The following AKAP9 variants were observed in gnomAD, a reference collection of about 807,000 sequenced individuals.
The protein encoded by AKAP9 is A-kinase anchoring protein 9.
Under a neutral mutation model 488.5 loss-of-function variants are expected in AKAP9, and 311 were observed. That is an observed-to-expected ratio of 0.64 (90% CI 0.58 to 0.70). The LOEUF is 0.70. Ranked by LOEUF, AKAP9 falls within the 30% of genes least tolerant of loss-of-function variation. AKAP9 has a pLI of 0.00. For missense variants in AKAP9, 4,215 were observed against 4,374.5 expected (o/e 0.96, Z 1.03); for synonymous variants, 1,462 against 1,483.5 (o/e 0.99, Z 0.33).
rs568683023 is a variant in AKAP9, at chr7:91,997,427, G to A, written c.930+1627G>A. On this transcript the variant is annotated intron_variant, in intron 7 of 49. Coordinates refer to ENST00000356239, the MANE Select transcript of AKAP9 (RefSeq NM_005751.5). ...TATAAATTGGGACAACTTTTTAATT[G>A]TATTTTGTTTCCCCAACAATTGGCC... 3.3e-5 allele frequency among the ~76,000 whole-genome samples: 5 copies of A among 152,296 alleles called. No homozygotes were observed. In the South Asian group the frequency reaches 1.0e-3, roughly 32 times the overall value.
At chr7:92,084,584 G>T in intron 33 of AKAP9, 56 bp from the exon 34 acceptor site, 1 of 1,264,696 alleles carries the variant, frequency 7.9e-7, no homozygotes, top group South Asian at 1.3e-5. Flanking sequence ...ATAATTCATT[G>T]TATTCTATTT....
At chr7:91,992,802 T>C (rs1172672060) in intron 4 of AKAP9, 83 bp from the exon 5 acceptor site, 7 of 1,332,200 alleles carry the variant, frequency 5.3e-6, no homozygotes, top group Non-Finnish European at 7.4e-6. Context: ...AAAGTGGACC[T>C]TGCTATGGAT....
intron 1 of AKAP9, among the ~76,000 whole-genome samples, chr7:91,964,876 T>G (rs746619907): frequency 3.3e-5 from 5 of 152,128 alleles, no homozygotes; most frequent in Non-Finnish European, 5.9e-5. Context: ...GGATAGAAAG[T>G]CTCCTTTTAG....
Position 92,017,043 on chromosome 7 carries a change from C to A in AKAP9, c.3778C>A (p.Leu1260Ile). ...CTTTCAAGAAAATATGCACACTCTT[C>A]TCAACAAAGTAACAGAAGAATACAA... ...QDFQENMHTL[L>I]NKVTEEYNKL... The change falls in exon 12 of 50, where the codon CTC becomes ATC. Residue 1260 changes from leucine to isoleucine, a missense_variant. By Grantham distance (5) the Leu-to-Ile change is conservative (BLOSUM62 2). This residue lies in a region of AKAP9 where 2,361 missense variants were observed against 2,430.0 expected (regional missense o/e 0.97). Coordinates refer to ENST00000356239, the MANE Select transcript of AKAP9 (RefSeq NM_005751.5). 2 of 1,589,880 alleles carry A rather than the reference C, an allele frequency of 1.3e-6. No homozygotes were observed. The highest frequency in any genetic ancestry group is 1.7e-6 in the Non-Finnish European group (2 of 1,162,932).
chr7:92,056,585 A>C (rs1240327939), intron 22 of AKAP9, among the ~76,000 whole-genome samples: 1 of 151,360 alleles, frequency 6.6e-6, no homozygotes, highest in Admixed American at 6.6e-5. Context: ...AGGGTTGCAT[A>C]AGAAACCCTA....
At chr7:91,971,858 C>T (rs934878784) in intron 1 of AKAP9, among the ~76,000 whole-genome samples, 4 of 151,740 alleles carry the variant, frequency 2.6e-5, no homozygotes, top group Non-Finnish European at 2.9e-5. Flanking sequence ...TGTGAGCCAC[C>T]GTGCCCGGCC....
chr7:92,086,073 G>A (rs189696603), intron 36 of AKAP9, among the ~76,000 whole-genome samples, 155 bp from the exon 37 acceptor site: 3 of 152,188 alleles, frequency 2.0e-5, no homozygotes, highest in East Asian at 1.9e-4. Context: ...CTGAGCAACA[G>A]AGTGAGACTG....
intron 14 of AKAP9, among the ~76,000 whole-genome samples, chr7:92,028,736 A>C (rs1044046337): frequency 1.3e-5 from 2 of 152,234 alleles, no homozygotes; most frequent in Non-Finnish European, 2.9e-5. Flanking sequence ...TATGAGAATA[A>C]AATTAATAAA....
Position 92,029,920 on chromosome 7 carries a change from A to C in AKAP9, c.4174A>C (p.Thr1392Pro). 1 of 1,613,072 alleles carries C rather than the reference A, an allele frequency of 6.2e-7. No individual in the cohort carries two copies. The highest frequency in any genetic ancestry group is 1.1e-5 in the South Asian group (1 of 91,050). The change falls in exon 15 of 50, where the codon ACA (threonine) becomes CCA (proline). Residue 1392 changes from threonine to proline, a missense_variant. By Grantham distance (38) the Thr-to-Pro change is conservative (BLOSUM62 -1). Around this residue, in one of 5 missense-constraint regions of AKAP9, gnomAD observed 2,361 missense variants for 2,430.0 expected, o/e 0.97. Transcript: ENST00000356239. ...CTTACCTGTTGATTCGGTGGTAATT[A>C]CAGAATCTGATGCACAGAGAACAAT... ...PSLPVDSVVITESDAQRTMYP... is the reference protein window; with the variant it reads ...PSLPVDSVVIPESDAQRTMYP...
intron 30 of AKAP9, 24 bp downstream of exon 30, chr7:92,077,899 T>C (rs1392560344): frequency 6.3e-7 from 1 of 1,575,998 alleles, no homozygotes; most frequent in East Asian, 2.3e-5. Flanking sequence ...AAATTGATTA[T>C]GAAATTAATA....
rs781128255 is a variant in AKAP9 at position 92,038,450 on chromosome 7, A to G, written c.4370A>G (p.Gln1457Arg). The change falls in exon 17 of 50, where the codon CAA becomes CGA. Residue 1457 changes from glutamine (Q) to arginine (R), a missense_variant. By Grantham distance (43) the Gln-to-Arg change is conservative (BLOSUM62 1). Coordinates refer to ENST00000356239, the MANE Select transcript of AKAP9 (RefSeq NM_005751.5). ...GTGTCAATGAGTATAGCATTTGCTC[A>G]ACAAACTGAACTGTCTAGAATATCT... ...VIVSMSIAFAQQTELSRISGG... is the reference protein window; with the variant it reads ...VIVSMSIAFARQTELSRISGG... 3.3e-5 allele frequency: 53 copies of G among 1,613,734 alleles called. No homozygotes were observed. The highest frequency in any genetic ancestry group is 4.4e-5 in the Non-Finnish European group (52 of 1,179,854).
chr7:92,070,826 G>C, intron 27 of AKAP9, 79 bp from the exon 28 acceptor site: 7 of 565,942 alleles, frequency 1.2e-5, no homozygotes, highest in South Asian at 3.6e-5. Context: ...AAAAAAAAAA[G>C]CAGACCAAAA....
In AKAP9 at chr7:91,966,428, G is replaced by A. The variant is rs1456410902; in HGVS notation, c.49-7283G>A. ...TACATATGGTTATCCAGTTTTCCCA[G>A]CATTATTTATTGAAGAGATTGTCCT... On this transcript the variant is annotated intron_variant, in intron 1 of 49. Coordinates refer to ENST00000356239, the MANE Select transcript of AKAP9 (RefSeq NM_005751.5). Among the ~76,000 whole-genome samples the A allele has an allele frequency of 5.3e-5, 8 of 152,088 alleles. No individual in the cohort carries two copies. In the East Asian group the frequency reaches 1.2e-3, roughly 22 times the overall value.
At chr7:92,036,488 T>C (rs1188970448) in intron 16 of AKAP9, among the ~76,000 whole-genome samples, 2 of 152,102 alleles carry the variant, frequency 1.3e-5, no homozygotes, top group Non-Finnish European at 2.9e-5. Context: ...TTTGTTTTTA[T>C]TATAATTCAT....
intron 26 of AKAP9, among the ~76,000 whole-genome samples, chr7:92,068,599 AT>A (rs367962414): frequency 0.011 from 1,596 of 148,632 alleles, 34 homozygotes; most frequent in African/African-American, 0.036. Flanking sequence ...TGCATGTTTG[AT>A]TTTTTTTTTC....
chr7:92,088,508 A>C (rs1814988937), intron 37 of AKAP9, among the ~76,000 whole-genome samples: 1 of 152,218 alleles, frequency 6.6e-6, no homozygotes, highest in South Asian at 2.1e-4. Flanking sequence ...ATTACTCAGC[A>C]ATTAAAAAGA....
chr7:92,067,495 G>C (rs1361133929), intron 26 of AKAP9, among the ~76,000 whole-genome samples: 2 of 152,116 alleles, frequency 1.3e-5, no homozygotes, highest in East Asian at 3.8e-4. Flanking sequence ...TGATGGGTCA[G>C]ACTGCACTAC....
Position 92,038,727 on chromosome 7 carries a change from A to G in AKAP9, c.4647A>G (p.Ser1549=), listed in dbSNP as rs199683551. ...PESKDCVLTI[S]EEMFSKDKTF... Reference sequence around the variant, plus strand: ...CAAAGGACTGTGTGCTGACTATTTCAGAAGAAATGTTCTCCAAAGATAAAA... The same window carrying G: ...CAAAGGACTGTGTGCTGACTATTTCGGAAGAAATGTTCTCCAAAGATAAAA... Residue 1549 remains serine, a synonymous_variant, in exon 17 of 50, where the codon TCA becomes TCG. Transcript: ENST00000356239. The G allele has an allele frequency of 1.2e-6, 2 of 1,606,986 alleles. No individual in the cohort carries two copies. Among genetic ancestry groups the G allele is most frequent in the East Asian group, 2.2e-5 (1 of 44,790 alleles).
rs563755793 is a variant in AKAP9, at chr7:92,023,025, T to C, written c.4148+16T>C. Reference sequence around the variant, plus strand: ...TTCCGCCAAGGTATTCATCTGCTTATAGCTTCATTCAACAGTATTTGTAGC... The same window carrying C: ...TTCCGCCAAGGTATTCATCTGCTTACAGCTTCATTCAACAGTATTTGTAGC... On this transcript the variant is annotated intron_variant, in intron 14 of 49. Coordinates refer to ENST00000356239, the MANE Select transcript of AKAP9 (RefSeq NM_005751.5). The C allele has an allele frequency of 1.2e-6, 2 of 1,607,840 alleles. No individual in the cohort carries two copies. The highest frequency in any genetic ancestry group is 2.2e-5 in the South Asian group (2 of 90,926).
Sources: gnomAD v4.1 joint callset for allele counts (sites outside exome capture counted in the v4.1 genomes callset) on GRCh38, gnomAD v4.1.1 for gene constraint, gnomAD v4.1.1 regional missense constraint, MANE v1.5 for transcripts, NCBI Gene and HGNC (gene_info 2026-07-23, HGNC 2026-07-21) for gene names.